PLCL1: variants seen among roughly 807,000 people sequenced by gnomAD.
PLCL1 encodes the protein phospholipase C like 1 (inactive), also known as inactive phospholipase C-like protein 1.
PLCL1 carries 41 observed loss-of-function variants against 84.4 expected under a neutral mutation model. The ratio of observed to expected loss-of-function variants is 0.49; its 90% CI spans 0.38 to 0.63. PLCL1 has a LOEUF of 0.63. Among genes scored for constraint, PLCL1 ranks in the 30% least tolerant of loss-of-function variants. PLCL1 has a pLI of 0.00. For missense variants in PLCL1, 1,206 were observed against 1,367.8 expected (o/e 0.88, Z 1.87); for synonymous variants, 490 against 488.3 (o/e 1.00, Z -0.05).
chr2:198,030,348 G>A (rs980255834), intron 1 of PLCL1, among the ~76,000 whole-genome samples: 1 of 152,030 alleles, frequency 6.6e-6, no homozygotes, highest in African/African-American at 2.4e-5. Flanking sequence ...TTGAGCAGGG[G>A]GTGGGTAACA....
intron 1 of PLCL1, among the ~76,000 whole-genome samples, chr2:198,006,667 A>G (rs144634319): frequency 6.6e-6 from 1 of 152,316 alleles, no homozygotes; most frequent in Non-Finnish European, 1.5e-5. Context: ...CTCTTCCTGG[A>G]GAGGCTGCTG....
chr2:198,027,399 TAGG>T (rs1403336436), intron 1 of PLCL1, among the ~76,000 whole-genome samples: 2 of 152,062 alleles, frequency 1.3e-5, no homozygotes, highest in Admixed American at 1.3e-4. Flanking sequence ...AAAATTTAGT[TAGG>T]AGGAAAACGT....
At chr2:198,036,308 G>GTAA (rs1461448803) in intron 1 of PLCL1, among the ~76,000 whole-genome samples, 1 of 152,152 alleles carries the variant, frequency 6.6e-6, no homozygotes, top group African/African-American at 2.4e-5. Flanking sequence ...CACTACTGAA[G>GTAA]TAATATCTTA....
chr2:197,990,186 T>C (rs1031591816), intron 1 of PLCL1, among the ~76,000 whole-genome samples: 4 of 152,186 alleles, frequency 2.6e-5, no homozygotes, highest in Admixed American at 6.5e-5. Context: ...CTATTTTTAT[T>C]TGCTCATAGA....
At chr2:198,102,914 C>T (rs1693380406) in intron 4 of PLCL1, among the ~76,000 whole-genome samples, 1 of 152,028 alleles carries the variant, frequency 6.6e-6, no homozygotes, top group Non-Finnish European at 1.5e-5. Flanking sequence ...GGTGCTAAGA[C>T]AAAGGCTGAA....
chr2:197,970,349 G>T (rs913279471), intron 1 of PLCL1, among the ~76,000 whole-genome samples: 2 of 152,152 alleles, frequency 1.3e-5, no homozygotes, highest in African/African-American at 4.8e-5. Flanking sequence ...TCATGAGAGT[G>T]CAGTCCCCAT....
rs539818149 is a variant in PLCL1, at chr2:197,992,580, A to T, written c.241-91178A>T. Reference sequence around the variant, plus strand: ...TGCCTGGCAATTTCAAGTATTTTAAAGTTATAATTGTGTGATTTTAAGTGT... The same window carrying T: ...TGCCTGGCAATTTCAAGTATTTTAATGTTATAATTGTGTGATTTTAAGTGT... On this transcript the variant is annotated intron_variant, in intron 1 of 5. Transcript: ENST00000428675. Among the ~76,000 whole-genome samples, 7 of 152,268 alleles carry T rather than the reference A, an allele frequency of 4.6e-5. No homozygotes were observed. The South Asian group carries it at 1.5e-3, about 32-fold the overall frequency.
chr2:197,865,828 C>T (rs569398846), intron 1 of PLCL1, among the ~76,000 whole-genome samples: 247 of 150,952 alleles, frequency 1.6e-3, no homozygotes, highest in Non-Finnish European at 2.1e-3. Flanking sequence ...GCCTGGACAA[C>T]ATGGTGAAAC....
At chr2:197,985,168 T>A (rs1690195701) in intron 1 of PLCL1, among the ~76,000 whole-genome samples, 1 of 152,204 alleles carries the variant, frequency 6.6e-6, no homozygotes, top group African/African-American at 2.4e-5. Flanking sequence ...GGTGAAATCC[T>A]ACTAGCTGTG....
chr2:198,127,033 C>A (rs573408798), intron 5 of PLCL1, among the ~76,000 whole-genome samples: 2 of 150,970 alleles, frequency 1.3e-5, no homozygotes, highest in East Asian at 3.9e-4. Flanking sequence ...TATTCTTAGT[C>A]CCTTTTACAC....
At chr2:198,111,776 C>G (rs1018655108) in intron 5 of PLCL1, among the ~76,000 whole-genome samples, 1 of 151,752 alleles carries the variant, frequency 6.6e-6, no homozygotes, top group African/African-American at 2.4e-5. Context: ...TGTTGTCATC[C>G]CACTATGCTA....
intron 1 of PLCL1, among the ~76,000 whole-genome samples, chr2:197,866,770 C>T (rs749134419): frequency 4.6e-5 from 7 of 152,116 alleles, no homozygotes; most frequent in Non-Finnish European, 1.0e-4. Flanking sequence ...GATGCTTTTC[C>T]TTCTTTGTCT....
At chr2:198,058,093 A>T (rs1692109552) in intron 1 of PLCL1, among the ~76,000 whole-genome samples, 1 of 152,164 alleles carries the variant, frequency 6.6e-6, no homozygotes, top group Non-Finnish European at 1.5e-5. Context: ...CGAACTGCAG[A>T]TATAGTATGA....
chr2:198,065,967 A>T (rs1692312668), intron 1 of PLCL1, among the ~76,000 whole-genome samples: 1 of 152,176 alleles, frequency 6.6e-6, no homozygotes, highest in Non-Finnish European at 1.5e-5. Flanking sequence ...TAATATTAGT[A>T]ATCGTGTCAA....
At chr2:198,092,589 T>G (rs1693073300) in intron 3 of PLCL1, among the ~76,000 whole-genome samples, 1 of 152,162 alleles carries the variant, frequency 6.6e-6, no homozygotes, top group African/African-American at 2.4e-5. Context: ...TTGTTAACTA[T>G]AGTCACTACT....
intron 1 of PLCL1, among the ~76,000 whole-genome samples, chr2:197,925,971 G>A (rs1688823077): frequency 6.6e-6 from 1 of 152,154 alleles, no homozygotes; most frequent in Non-Finnish European, 1.5e-5. Flanking sequence ...TGTTTTGAAG[G>A]TCAGCTTTCC....
At chr2:197,811,676 G>A (rs1001528671) in intron 1 of PLCL1, among the ~76,000 whole-genome samples, 2 of 152,040 alleles carry the variant, frequency 1.3e-5, no homozygotes, top group Non-Finnish European at 2.9e-5. Flanking sequence ...GCTATTATAG[G>A]CAAGGTTATT....
intron 1 of PLCL1, among the ~76,000 whole-genome samples, chr2:197,965,979 T>C (rs1366926797): frequency 6.6e-6 from 1 of 152,098 alleles, no homozygotes; most frequent in African/African-American, 2.4e-5. Flanking sequence ...AAGGGCTCTT[T>C]AGTCAGCAGA....
chr2:198,051,878 A>G (rs894906296), intron 1 of PLCL1, among the ~76,000 whole-genome samples: 1 of 151,526 alleles, frequency 6.6e-6, no homozygotes, highest in East Asian at 1.9e-4. Flanking sequence ...GACTACAGGC[A>G]TGTGCCACCA....
Sources: gnomAD v4.1 joint callset for allele counts (sites outside exome capture counted in the v4.1 genomes callset) on GRCh38, gnomAD v4.1.1 for gene constraint, MANE v1.5 for transcripts, NCBI Gene and HGNC (gene_info 2026-07-23, HGNC 2026-07-21) for gene names.